Variants in ANKS1B observed in about 807,000 individuals in gnomAD.
The protein encoded by ANKS1B is ankyrin repeat and sterile alpha motif domain-containing protein 1B.
A neutral mutation model predicts 148.3 loss-of-function variants in ANKS1B; 36 were observed. The ratio of observed to expected loss-of-function variants is 0.24; its 90% CI spans 0.19 to 0.32. ANKS1B has a LOEUF of 0.32. Ranked by LOEUF, ANKS1B falls within the 10% of genes least tolerant of loss-of-function variation. The pLI is 1.00. For synonymous variants in ANKS1B, 542 were observed against 560.8 expected (o/e 0.97, Z 0.47); for missense variants, 1,157 against 1,542.6 (o/e 0.75, Z 4.19).
chr12:99,201,406 A>T (rs952704160), intron 14 of ANKS1B, among the ~76,000 whole-genome samples: 1 of 152,044 alleles, frequency 6.6e-6, no homozygotes, highest in East Asian at 1.9e-4. Flanking sequence ...TGGTAGGTGG[A>T]TGTGTTTGAA....
chr12:99,918,207 T>C (rs2094231418), intron 1 of ANKS1B, among the ~76,000 whole-genome samples: 1 of 152,226 alleles, frequency 6.6e-6, no homozygotes, highest in Non-Finnish European at 1.5e-5. Flanking sequence ...CACGATGTTC[T>C]GTCCCCTTAG....
At chr12:99,894,289 A>AGGGAGGGAGGG (rs2093275022) in intron 1 of ANKS1B, among the ~76,000 whole-genome samples, 1 of 45,828 alleles carries the variant, frequency 2.2e-5, no homozygotes, top group Non-Finnish European at 4.1e-5. Flanking sequence ...GGAAGGAAGG[A>AGGGAGGGAGGG]AGGGAGGGAG....
At chr12:98,989,275 T>G (rs899452532) in intron 17 of ANKS1B, among the ~76,000 whole-genome samples, 2 of 152,196 alleles carry the variant, frequency 1.3e-5, no homozygotes, top group Admixed American at 1.3e-4. Context: ...CATTTTGAGT[T>G]GATTTTTATA....
chr12:99,763,318 G>A (rs572999388), intron 8 of ANKS1B, among the ~76,000 whole-genome samples: 69 of 152,142 alleles, frequency 4.5e-4, no homozygotes, highest in Non-Finnish European at 8.2e-4. Flanking sequence ...CCATAAAAAA[G>A]AATAAAACTG....
intron 12 of ANKS1B, among the ~76,000 whole-genome samples, chr12:99,393,919 AT>A (rs1346020165): frequency 6.6e-6 from 1 of 152,096 alleles, no homozygotes; most frequent in Non-Finnish European, 1.5e-5. Flanking sequence ...CAATATACCA[AT>A]TTAGCAAAAC....
chr12:99,837,772 A>G (rs539655347), intron 1 of ANKS1B, among the ~76,000 whole-genome samples: 20 of 152,312 alleles, frequency 1.3e-4, no homozygotes, highest in South Asian at 1.0e-3. Context: ...ATTATAATAA[A>G]GTGGAGACAT....
intron 12 of ANKS1B, among the ~76,000 whole-genome samples, chr12:99,397,522 C>A (rs187535615): frequency 6.6e-6 from 1 of 151,884 alleles, no homozygotes; most frequent in South Asian, 2.1e-4. Flanking sequence ...TAAAAGAAAA[C>A]GGGATGATTT....
chr12:99,128,227 T>A (rs181389149), intron 15 of ANKS1B, among the ~76,000 whole-genome samples: 26 of 152,328 alleles, frequency 1.7e-4, no homozygotes, highest in Admixed American at 1.4e-3. Flanking sequence ...GTTAAGTATT[T>A]ATTTTATAGA....
At chr12:98,955,579 C>T (rs780127458) in intron 17 of ANKS1B, among the ~76,000 whole-genome samples, 3 of 152,050 alleles carry the variant, frequency 2.0e-5, no homozygotes, top group East Asian at 1.9e-4. Context: ...GGGAGGCAGC[C>T]GTGGAAGAGG....
chr12:99,442,965 T>C (rs777757074), intron 11 of ANKS1B, among the ~76,000 whole-genome samples: 5 of 151,906 alleles, frequency 3.3e-5, no homozygotes, highest in Non-Finnish European at 7.4e-5. Flanking sequence ...GGTCCATCTG[T>C]TGGCAAAAAT....
chr12:99,780,536 C>A (rs2064182289), intron 5 of ANKS1B, among the ~76,000 whole-genome samples: 2 of 152,060 alleles, frequency 1.3e-5, no homozygotes, highest in South Asian at 4.1e-4. Context: ...CCCACCTTGG[C>A]CTCCCAAAGT....
At chr12:99,754,479 C>A (rs1233495547) in intron 8 of ANKS1B, among the ~76,000 whole-genome samples, 3 of 152,120 alleles carry the variant, frequency 2.0e-5, no homozygotes, top group Non-Finnish European at 4.4e-5. Context: ...GTATTCAGGA[C>A]CTGAACTCAG....
At chr12:99,141,395 T>C (rs936433031) in intron 15 of ANKS1B, among the ~76,000 whole-genome samples, 4 of 151,826 alleles carry the variant, frequency 2.6e-5, no homozygotes, top group African/African-American at 9.7e-5. Flanking sequence ...ACTTCTCTAG[T>C]CTCATTTCTT....
intron 4 of ANKS1B, among the ~76,000 whole-genome samples, chr12:99,791,580 A>T (rs1383192880): frequency 6.6e-6 from 1 of 152,064 alleles, no homozygotes; most frequent in Non-Finnish European, 1.5e-5. Context: ...CAATGGAATA[A>T]AACTAGAAAT....
chr12:99,425,788 T>C (rs2095241137), intron 11 of ANKS1B, among the ~76,000 whole-genome samples: 1 of 151,992 alleles, frequency 6.6e-6, no homozygotes, highest in Admixed American at 6.6e-5. Context: ...CTTTGTGGCC[T>C]TCTAAGAGCT....
rs146660902 is a variant in ANKS1B, at chr12:99,852,683, T to C, written c.135-27294A>G. ...TGAACTTTTGCTCCAAGAACTACCA[T>C]AGGAACATATCAGGAAAGCCAAGAG... On this transcript the variant is annotated intron_variant, in intron 1 of 26. Transcript: ENST00000683438. Among the ~76,000 whole-genome samples the C allele has an allele frequency of 1.9e-3, 296 of 152,226 alleles. 1 individual carries two copies. Among genetic ancestry groups the C allele is most frequent in the African/African-American group, 6.9e-3 (287 of 41,534 alleles).
At chr12:99,390,189 TGTTTATGTA>T (rs2094010124) in intron 12 of ANKS1B, among the ~76,000 whole-genome samples, 4 of 152,312 alleles carry the variant, frequency 2.6e-5, no homozygotes, top group Admixed American at 6.5e-5. Context: ...GCATATGTTG[TGTTTATGTA>T]GTTTGCAGTT....
chr12:99,845,470 T>C (rs1436529944), intron 1 of ANKS1B, among the ~76,000 whole-genome samples: 1 of 152,200 alleles, frequency 6.6e-6, no homozygotes, highest in Non-Finnish European at 1.5e-5. Flanking sequence ...CTTTTCTACA[T>C]CTATTGAGAT....
At chr12:98,831,981 G>T (rs1224652019) in intron 18 of ANKS1B, 48 bp downstream of exon 18, 1 of 1,505,430 alleles carries the variant, frequency 6.6e-7, no homozygotes, top group African/African-American at 1.4e-5. Context: ...CAAACAAATA[G>T]TTCTTAAGAT....
Sources: gnomAD v4.1 joint callset for allele counts (sites outside exome capture counted in the v4.1 genomes callset) on GRCh38, gnomAD v4.1.1 for gene constraint, MANE v1.5 for transcripts, NCBI Gene and HGNC (gene_info 2026-07-23, HGNC 2026-07-21) for gene names.